Variants in STAU1 observed in about 807,000 individuals in gnomAD.
The protein encoded by STAU1 is double-stranded RNA-binding protein Staufen homolog 1.
STAU1 carries 13 observed loss-of-function variants against 62.9 expected under a neutral mutation model. That is an observed-to-expected ratio of 0.21 (90% CI 0.13 to 0.33). The LOEUF is 0.33. STAU1 is among the 10% of genes least tolerant of loss of function. The pLI is 1.00. For missense variants in STAU1, 571 were observed against 712.1 expected (o/e 0.80, Z 2.25); for synonymous variants, 269 against 265.1 (o/e 1.01, Z -0.14).
At chr20:49,123,378 TAACAATG>T in intron 7 of STAU1, 143 bp from the exon 8 acceptor site, 2 of 1,001,018 alleles carry the variant, frequency 2.0e-6, no homozygotes, top group Non-Finnish European at 3.0e-6. Context: ...TTTAACATTT[TAACAATG>T]AAAAGATGCT....
At chr20:49,127,147 G>A (rs1012497984) in intron 6 of STAU1, among the ~76,000 whole-genome samples, 2 of 152,078 alleles carry the variant, frequency 1.3e-5, no homozygotes, top group African/African-American at 4.8e-5. Context: ...GAGGTCAGGA[G>A]TTCGAGATCA....
chr20:49,187,787 C>CT (rs1481092817), intron 1 of STAU1, among the ~76,000 whole-genome samples: 1 of 150,854 alleles, frequency 6.6e-6, no homozygotes, highest in African/African-American at 2.4e-5. Context: ...CCCCCCCCCC[C>CT]CGCCTGCGCC....
chr20:49,115,894 G>A (rs771566772), intron 12 of STAU1, 27 bp from the exon 13 acceptor site: 2 of 1,602,088 alleles, frequency 1.2e-6, no homozygotes, highest in Admixed American at 3.3e-5. Context: ...GAAGGGTAAA[G>A]CCACAGCCAC....
At chr20:49,129,729 G>A in intron 6 of STAU1, among the ~76,000 whole-genome samples, 1 of 148,324 alleles carries the variant, frequency 6.7e-6, no homozygotes, top group South Asian at 2.1e-4. Flanking sequence ...CTGACTCCCA[G>A]GTTCAAGCGA....
intron 3 of STAU1, among the ~76,000 whole-genome samples, chr20:49,161,239 A>C (rs1200040617): frequency 1.3e-5 from 2 of 151,936 alleles, no homozygotes; most frequent in African/African-American, 4.8e-5. Flanking sequence ...AGGTGGGAGG[A>C]TTGCTTAAGC....
At chr20:49,154,149 G>C (rs960615106) in intron 3 of STAU1, 78 bp from the exon 4 acceptor site, 1 of 1,409,392 alleles carries the variant, frequency 7.1e-7, no homozygotes, top group Non-Finnish European at 9.5e-7. Flanking sequence ...GTAATAGCAT[G>C]CTTTCTGCTA....
intron 6 of STAU1, among the ~76,000 whole-genome samples, chr20:49,128,571 A>G (rs777212916): frequency 6.6e-6 from 1 of 152,090 alleles, no homozygotes; most frequent in African/African-American, 2.4e-5. Context: ...AGGCTAAAAC[A>G]TTTTGTTGTA....
intron 1 of STAU1, among the ~76,000 whole-genome samples, chr20:49,178,408 G>A (rs146574034): frequency 1.0e-3 from 158 of 151,674 alleles, no homozygotes; most frequent in Non-Finnish European, 1.8e-3. Flanking sequence ...GAAGTCAGGA[G>A]TTTGAGGCTA....
At chr20:49,126,231 T>C (rs2092609295) in intron 6 of STAU1, among the ~76,000 whole-genome samples, 1 of 151,580 alleles carries the variant, frequency 6.6e-6, no homozygotes, top group Admixed American at 6.6e-5. Context: ...CTTTTGTGTA[T>C]CATGGACATT....
chr20:49,130,444 C>T (rs566242827), intron 6 of STAU1, among the ~76,000 whole-genome samples: 5 of 152,124 alleles, frequency 3.3e-5, no homozygotes, highest in Non-Finnish European at 7.4e-5. Context: ...GGGTGACTTT[C>T]ACTGTAAATT....
intron 1 of STAU1, among the ~76,000 whole-genome samples, chr20:49,175,442 G>A (rs1410450642): frequency 2.0e-5 from 3 of 152,040 alleles, no homozygotes; most frequent in South Asian, 4.1e-4. Flanking sequence ...ATTCCCTGAT[G>A]AGAGTAATAT....
At chr20:49,142,441 T>C (rs1051075471) in intron 5 of STAU1, among the ~76,000 whole-genome samples, 7 of 152,166 alleles carry the variant, frequency 4.6e-5, no homozygotes, top group Non-Finnish European at 1.5e-5. Context: ...TCCTTTTCTA[T>C]TTTATATACA....
At chr20:49,181,159 A>G (rs1329033575) in intron 1 of STAU1, among the ~76,000 whole-genome samples, 1 of 152,156 alleles carries the variant, frequency 6.6e-6, no homozygotes, top group African/African-American at 2.4e-5. Context: ...GGTCTAAGAA[A>G]CCCTTTTCTT....
rs569992970 is a variant in STAU1, at chr20:49,178,015, A to G, written c.-159-3746T>C. 5.3e-5 allele frequency among the ~76,000 whole-genome samples: 8 copies of G among 151,918 alleles called. No homozygotes were observed. In the East Asian group the frequency reaches 7.8e-4, roughly 15 times the overall value. ...AAACAGAGGAAGACCCCATCTCTCC[A>G]AAAAGTTTAAAACTAGCTAGGCATG... On this transcript the variant is annotated intron_variant, in intron 1 of 13. Coordinates refer to ENST00000371856, the MANE Select transcript of STAU1 (RefSeq NM_017453.4).
intron 2 of STAU1, among the ~76,000 whole-genome samples, chr20:49,172,954 TG>T: frequency 6.6e-6 from 1 of 151,050 alleles, no homozygotes; most frequent in South Asian, 2.1e-4. Context: ...CTCGGCTCAC[TG>T]CAAGCTCTGC....
In STAU1 at chr20:49,166,150, T is replaced by G. The variant is rs189127126; in HGVS notation, c.52A>C (p.Ser18Arg). 208 of 1,614,154 alleles carry G rather than the reference T, an allele frequency of 1.3e-4. No homozygotes were observed. Among genetic ancestry groups the G allele is most frequent in the Middle Eastern group, 1.2e-3 (7 of 6,062 alleles). ...VQNPSAALSG[S>R]QILNKNQSLL... ...GACTGGTTCTTGTTCAGTATTTGGCTCCCTGAGAGAGCAGCAGATGGGTTC... is the reference window on the plus strand; with the variant it reads ...GACTGGTTCTTGTTCAGTATTTGGCGCCCTGAGAGAGCAGCAGATGGGTTC... Residue 18 changes from serine to arginine, a missense_variant, in exon 3 of 14, where the codon AGC (serine) becomes CGC (arginine). Physicochemically the swap from Ser to Arg is moderately radical, Grantham distance 110. This residue lies in a region of STAU1 where 414 missense variants were observed against 499.6 expected (regional missense o/e 0.83). Coordinates refer to ENST00000371856, the MANE Select transcript of STAU1 (RefSeq NM_017453.4).
chr20:49,216,220 A>G, the STAU1 span, among the ~76,000 whole-genome samples: 1 of 149,550 alleles, frequency 6.7e-6, no homozygotes, highest in Non-Finnish European at 1.5e-5. Flanking sequence ...CAAGACCCTT[A>G]TATCTTAAAA....
intron 5 of STAU1, among the ~76,000 whole-genome samples, chr20:49,142,229 G>A (rs1331203843): frequency 2.0e-5 from 3 of 152,050 alleles, no homozygotes; most frequent in South Asian, 2.1e-4. Flanking sequence ...TGGGACTACA[G>A]GCACAAGCCA....
Position 49,150,744 on chromosome 20 carries a change from G to A in STAU1, c.510+838C>T, listed in dbSNP as rs190976527. Among the ~76,000 whole-genome samples, 8 of 152,120 alleles carry A rather than the reference G, an allele frequency of 5.3e-5. No homozygotes were observed. The East Asian group carries it at 1.5e-3, about 29-fold the overall frequency. Reference sequence around the variant, plus strand: ...CATGACTGCTTGACCTGTAGAATATGGCAGACACGATGCTGTGATTTCTGA... The same window carrying A: ...CATGACTGCTTGACCTGTAGAATATAGCAGACACGATGCTGTGATTTCTGA... On this transcript the variant is annotated intron_variant, in intron 5 of 13. Coordinates refer to ENST00000371856, the MANE Select transcript of STAU1 (RefSeq NM_017453.4).
Sources: allele counts gnomAD v4.1 joint callset (sites outside exome capture counted in the v4.1 genomes callset), GRCh38; gene constraint gnomAD v4.1.1; regional missense constraint gnomAD v4.1.1; transcripts MANE v1.5; gene names NCBI Gene and HGNC (gene_info 2026-07-23, HGNC 2026-07-21).